The following CAST variants were observed in gnomAD, a reference collection of about 807,000 sequenced individuals.
The protein encoded by CAST is calpastatin.
CAST carries 76 observed loss-of-function variants against 119.6 expected under a neutral mutation model. That is an observed-to-expected ratio of 0.64 (90% CI 0.53 to 0.77). The LOEUF is 0.77. Ranked by LOEUF, CAST falls within the 30% of genes least tolerant of loss-of-function variation. The pLI is 0.00. For missense variants in CAST, 953 were observed against 946.5 expected (o/e 1.01, Z -0.09); for synonymous variants, 319 against 331.6 (o/e 0.96, Z 0.41).
chr5:96,181,589 T>G, the CAST span, among the ~76,000 whole-genome samples: 1 of 152,220 alleles, frequency 6.6e-6, no homozygotes, highest in African/African-American at 2.4e-5. Context: ...GAGGTGCAGA[T>G]AAATGGAGCA....
the CAST span, among the ~76,000 whole-genome samples, chr5:96,406,073 A>C: frequency 2.3e-4 from 35 of 152,176 alleles, no homozygotes; most frequent in African/African-American, 7.7e-4. Context: ...CACTGACCCC[A>C]ACAATTCATG....
the CAST span, among the ~76,000 whole-genome samples, chr5:96,506,000 GAA>G: frequency 6.6e-6 from 1 of 152,226 alleles, no homozygotes; most frequent in South Asian, 2.1e-4. Context: ...ACTAGAGAAA[GAA>G]GAGATTTTTC....
chr5:96,107,419 G>A, the CAST span, among the ~76,000 whole-genome samples: 1 of 151,820 alleles, frequency 6.6e-6, no homozygotes, highest in South Asian at 2.1e-4. Context: ...GGCGGGCCTG[G>A]TGGTGACAAA....
chr5:96,334,950 C>G, the CAST span, among the ~76,000 whole-genome samples: 1 of 152,204 alleles, frequency 6.6e-6, no homozygotes, highest in Non-Finnish European at 1.5e-5. Context: ...TGCCTAGGAA[C>G]AGAGCTCCAC....
chr5:96,452,640 T>TAAAAAAAAAAA, the CAST span, among the ~76,000 whole-genome samples: 16 of 90,130 alleles, frequency 1.8e-4, no homozygotes, highest in Admixed American at 8.1e-4. Flanking sequence ...TAAAGTATAA[T>TAAAAAAAAAAA]AAAAAAAAAA....
At chr5:96,111,223 T>C in the CAST span, among the ~76,000 whole-genome samples, 1 of 152,184 alleles carries the variant, frequency 6.6e-6, no homozygotes, top group Non-Finnish European at 1.5e-5. Flanking sequence ...AGGATACAAA[T>C]GAACAGTATG....
At chr5:96,071,663 A>C in the CAST span, among the ~76,000 whole-genome samples, 5 of 151,502 alleles carry the variant, frequency 3.3e-5, no homozygotes, top group African/African-American at 9.7e-5. Context: ...TTTTCCTCTC[A>C]CTTGGGATGC....
chr5:96,210,789 T>G, the CAST span, among the ~76,000 whole-genome samples: 1 of 152,074 alleles, frequency 6.6e-6, no homozygotes, highest in Non-Finnish European at 1.5e-5. Flanking sequence ...ATCCTTAATA[T>G]GTTGAGTCTA....
chr5:96,506,814 G>A, the CAST span, among the ~76,000 whole-genome samples: 1 of 152,166 alleles, frequency 6.6e-6, no homozygotes, highest in Non-Finnish European at 1.5e-5. Flanking sequence ...GGGGGCCTGA[G>A]GCTTTGACTG....
At chr5:96,709,004 C>G (rs982189493) in intron 3 of CAST, among the ~76,000 whole-genome samples, 1 of 152,202 alleles carries the variant, frequency 6.6e-6, no homozygotes, top group African/African-American at 2.4e-5. Flanking sequence ...TGTTGTAGAT[C>G]TGCCTCTACC....
At chr5:96,402,273 G>A in the CAST span, among the ~76,000 whole-genome samples, 2 of 152,196 alleles carry the variant, frequency 1.3e-5, no homozygotes, top group South Asian at 2.1e-4. Flanking sequence ...CACGACACAC[G>A]GGGAAGCTGC....
the CAST span, among the ~76,000 whole-genome samples, chr5:96,309,573 C>T: frequency 6.6e-6 from 1 of 152,200 alleles, no homozygotes; most frequent in African/African-American, 2.4e-5. Context: ...AACCCAGGGC[C>T]CTGGTGGCAT....
chr5:96,482,040 A>G, the CAST span, among the ~76,000 whole-genome samples: 4 of 152,168 alleles, frequency 2.6e-5, no homozygotes, highest in African/African-American at 9.7e-5. Flanking sequence ...GAGATTTATG[A>G]TGCCTTGGTG....
chr5:96,458,837 A>G, the CAST span, among the ~76,000 whole-genome samples: 1 of 152,152 alleles, frequency 6.6e-6, no homozygotes, highest in African/African-American at 2.4e-5. Context: ...TTCGCACATC[A>G]TCTTTATCCA....
intron 2 of CAST, chr5:96,679,193 TA>T (rs1193262265): frequency 6.6e-6 from 1 of 152,162 alleles, no homozygotes; most frequent in Non-Finnish European, 1.5e-5. Context: ...TTGAAGCTAA[TA>T]CATTTGTCAT....
chr5:96,537,760 C>T (rs1315510195), intron 1 of CAST, among the ~76,000 whole-genome samples: 2 of 152,152 alleles, frequency 1.3e-5, no homozygotes, highest in Admixed American at 1.3e-4. Flanking sequence ...GATTGTCACT[C>T]GGTCACTTGG....
intron 2 of CAST, among the ~76,000 whole-genome samples, chr5:96,685,707 A>G (rs1166332645): frequency 6.6e-6 from 1 of 152,134 alleles, no homozygotes; most frequent in Non-Finnish European, 1.5e-5. Context: ...GTGATTATCA[A>G]CTCTTTTTGT....
At chr5:96,281,762 G>A in the CAST span, among the ~76,000 whole-genome samples, 1 of 152,150 alleles carries the variant, frequency 6.6e-6, no homozygotes, top group Middle Eastern at 3.2e-3. Context: ...CACTTACATG[G>A]CATTGATGTG....
chr5:96,255,752 T>C, the CAST span, among the ~76,000 whole-genome samples: 2 of 152,170 alleles, frequency 1.3e-5, no homozygotes, highest in Non-Finnish European at 2.9e-5. Flanking sequence ...TTTGAGACTG[T>C]GGCTTGATTC....
Sources: gnomAD v4.1 joint callset for allele counts (sites outside exome capture counted in the v4.1 genomes callset) on GRCh38, gnomAD v4.1.1 for gene constraint, MANE v1.5 for transcripts, NCBI Gene and HGNC (gene_info 2026-07-23, HGNC 2026-07-21) for gene names.